Variants in TCF20 observed in about 807,000 individuals in gnomAD.
TCF20 encodes SPRE-binding protein.
A neutral mutation model predicts 148.6 loss-of-function variants in TCF20; 3 were observed. The ratio of observed to expected loss-of-function variants is 0.02; its 90% confidence interval spans 0.01 to 0.05. The LOEUF (loss-of-function observed/expected upper bound fraction) is 0.05, where lower values mean the gene tolerates loss of function less well. Ranked by LOEUF, TCF20 falls within the 10% of genes least tolerant of loss-of-function variation. The probability of loss-of-function intolerance (pLI) is 1.00; values close to 1 mark genes in which losing one functional copy is unlikely to be tolerated. For missense variants in TCF20, 2,350 were observed against 2,429.3 expected (o/e 0.97, Z 0.69); for synonymous variants, 1,049 against 909.5 (o/e 1.15, Z -2.76).
Position 42,279,926 on chromosome 22 carries a change from G to A in TCF20, c.-37+3901C>T, listed in dbSNP as rs1926864524. On this transcript the variant is annotated intron_variant, in intron 1 of 5. Transcript: ENST00000359486. This position sits in a 1 kb window ranked among gnomAD's most constrained non-coding sequence, Gnocchi z 4.3. ...AGGTGCTCCTCACAGGTGATGGGGT[G>A]TGTTGTCTATGGGGCTCTTGTGCCC... 6.6e-6 allele frequency among the ~76,000 whole-genome samples: 1 copy of A among 151,392 alleles called. No homozygotes were observed. Among genetic ancestry groups the A allele is most frequent in the East Asian group, 2.0e-4 (1 of 5,092 alleles).
upstream of TCF20, among the ~76,000 whole-genome samples, chr22:42,284,113 G>GGGAGGAGGGATGGATGGAT (rs1926975885): frequency 6.6e-6 from 1 of 152,266 alleles, no homozygotes; most frequent in Non-Finnish European, 1.5e-5. Flanking sequence ...AGGAGCAGCG[G>GGGAGGAGGGATGGATGGAT]GGAGGAGGGA....
rs562625493 is a variant in TCF20 at position 42,235,866 on chromosome 22, CCT to C, written c.-36-20527_-36-20526del. On this transcript the variant is annotated intron_variant, in intron 1 of 5. Coordinates refer to ENST00000677622, the MANE Select transcript of TCF20 (RefSeq NM_001378418.1). ...ACTGTTAGAATTACCACCCTCTTTC[CCT>C]CTCTCAGGTAAAAACTTGAACCAAT... Among the ~76,000 whole-genome samples, 17 of 152,254 alleles carry C rather than the reference CCT, an allele frequency of 1.1e-4. No homozygotes were observed. In the South Asian group the frequency reaches 3.1e-3, roughly 28 times the overall value.
intron 1 of TCF20, among the ~76,000 whole-genome samples, chr22:42,249,081 C>G (rs1414118462): frequency 6.6e-6 from 1 of 152,196 alleles, no homozygotes; most frequent in Non-Finnish European, 1.5e-5. Flanking sequence ...TTGCTGAGAG[C>G]TAGAACAGAC....
rs780585793 is a variant in TCF20, at chr22:42,290,077, C to T, written c.-37+53402G>A. On this transcript the variant is annotated intron_variant, in intron 1 of 1. Transcript: ENST00000515426. The surrounding 1 kb of genome is among the most constrained non-coding windows in gnomAD (Gnocchi z 4.2). ...CTCACTCCCGCCGCACGCATGCGCC[C>T]CCTGCACCGCCGGCTGCTGCTTGGG... Among the ~76,000 whole-genome samples, 6 of 152,216 alleles carry T rather than the reference C, an allele frequency of 3.9e-5. No homozygotes were observed. The highest frequency in any genetic ancestry group is 7.2e-5 in the African/African-American group (3 of 41,454).
chr22:42,288,782 A>T (rs74706293), upstream of TCF20, among the ~76,000 whole-genome samples: 3,207 of 149,234 alleles, frequency 0.021, 51 homozygotes, highest in Non-Finnish European at 0.033. Flanking sequence ...TTCCTTGCCC[A>T]TTACACTGTT....
rs5996140 is a variant in TCF20, at chr22:42,320,012, T to A, written c.-37+23467A>T. ...TCTACCCCAAGGCTCTGCTCTGCTG[T>A]TTTCCATCTTCCCTCCATTCCCACC... is the stretch of plus-strand genomic sequence containing the variant. On this transcript the variant is annotated intron_variant, in intron 1 of 1. Coordinates refer to the TCF20 transcript ENST00000515426. Among the ~76,000 whole-genome samples, 24 of 152,144 alleles carry A rather than the reference T, an allele frequency of 1.6e-4. 1 individual carries two copies. The highest frequency in any genetic ancestry group is 5.8e-4 in the African/African-American group (24 of 41,500).
intron 3 of TCF20, among the ~76,000 whole-genome samples, chr22:42,171,322 G>T (rs1168404545): frequency 6.6e-6 from 1 of 152,144 alleles, no homozygotes; most frequent in Non-Finnish European, 1.5e-5. Context: ...ACTTATCCTT[G>T]TTAAATTTAA....
chr22:42,338,149 G>A lies in TCF20; in HGVS notation c.-37+5330C>T, dbSNP rs1463609500. ...ACACAACTCCCGCCTCGGTCTCCACGCGTCCCCTGAGATCCCCCACCGCCC... is the reference window on the plus strand; with the variant it reads ...ACACAACTCCCGCCTCGGTCTCCACACGTCCCCTGAGATCCCCCACCGCCC... On this transcript the variant is annotated intron_variant, in intron 1 of 1. Transcript: ENST00000515426. This position sits in a 1 kb window ranked among gnomAD's most constrained non-coding sequence, Gnocchi z 4.0. Among the ~76,000 whole-genome samples, 2 of 152,164 alleles carry A rather than the reference G, an allele frequency of 1.3e-5. No individual in the cohort carries two copies. Among genetic ancestry groups the A allele is most frequent in the South Asian group, 2.1e-4 (1 of 4,812 alleles).
rs1179010428 is a variant in TCF20, at chr22:42,214,199, G to A, written c.1107C>T (p.Asn369=). ...QFHQNFSPIS[N]PSPAASVVQS... ...GAACCACAGAGGCAGCTGGAGAAGG[G>A]TTAGAAATGGGGCTGAAGTTCTGGT... Residue 369 remains asparagine, a synonymous_variant, in exon 2 of 6, where the codon AAC becomes AAT. Coordinates refer to ENST00000677622, the MANE Select transcript of TCF20 (RefSeq NM_001378418.1). The A allele has an allele frequency of 1.9e-6, 3 of 1,614,220 alleles. No homozygotes were observed. Among genetic ancestry groups the A allele is most frequent in the Non-Finnish European group, 2.5e-6 (3 of 1,180,044 alleles).
intron 1 of TCF20, among the ~76,000 whole-genome samples, chr22:42,241,427 AG>A (rs1924390819): frequency 6.6e-6 from 1 of 152,232 alleles, no homozygotes; most frequent in Non-Finnish European, 1.5e-5. Context: ...AAAATTTAGC[AG>A]GGAACAGGAA....
At chr22:42,225,000 C>CTT (rs34550174) in intron 1 of TCF20, among the ~76,000 whole-genome samples, 36,641 of 130,120 alleles carry the variant, frequency 0.28, 5,938 homozygotes, top group African/African-American at 0.35. Context: ...GAAATAATCA[C>CTT]TTTTTTTTTT....
intron 2 of TCF20, 59 bp downstream of exon 2, chr22:42,209,592 A>C (rs1920924255): frequency 3.3e-6 from 5 of 1,523,136 alleles, no homozygotes; most frequent in Non-Finnish European, 8.8e-7. Flanking sequence ...AAAAACATGC[A>C]AGAAAAGGAA....
At chr22:42,240,837 T>G (rs2147309120) in intron 1 of TCF20, among the ~76,000 whole-genome samples, 1 of 152,024 alleles carries the variant, frequency 6.6e-6, no homozygotes, top group Non-Finnish European at 1.5e-5. Flanking sequence ...GGATAGTCCA[T>G]AAAAAACTCA....
At chr22:42,190,830 C>A (rs1162304215) in intron 2 of TCF20, among the ~76,000 whole-genome samples, 88 of 152,086 alleles carry the variant, frequency 5.8e-4, no homozygotes, top group Admixed American at 5.8e-3. Context: ...GCAGGTGATA[C>A]TAATAATTTC....
intron 1 of TCF20, among the ~76,000 whole-genome samples, chr22:42,258,273 C>G (rs1033983971): frequency 4.6e-5 from 7 of 151,928 alleles, no homozygotes; most frequent in African/African-American, 1.7e-4. Flanking sequence ...CCTCCCCCCC[C>G]TTCCCTAGGC....
chr22:42,250,046 GC>G (rs1925235809), intron 1 of TCF20, among the ~76,000 whole-genome samples: 1 of 152,096 alleles, frequency 6.6e-6, no homozygotes, highest in African/African-American at 2.4e-5. Context: ...ATCACTTGAG[GC>G]CAGGAGTTTG....
chr22:42,191,938 T>TA (rs1446284806), intron 2 of TCF20, among the ~76,000 whole-genome samples: 1 of 152,238 alleles, frequency 6.6e-6, no homozygotes, highest in Non-Finnish European at 1.5e-5. Flanking sequence ...GAGAAATACT[T>TA]ACATAGTTTG....
chr22:42,167,623 C>T (rs948621162), intron 5 of TCF20, among the ~76,000 whole-genome samples: 3 of 152,178 alleles, frequency 2.0e-5, no homozygotes, highest in Non-Finnish European at 4.4e-5. Context: ...CTTCTAGAGA[C>T]CCCAAGTCCT....
intron 1 of TCF20, among the ~76,000 whole-genome samples, chr22:42,294,917 G>T (rs554007397): frequency 1.2e-4 from 19 of 152,354 alleles, no homozygotes; most frequent in African/African-American, 4.6e-4. Flanking sequence ...AGGATCCAAA[G>T]GTGCTTGATG....
Sources: allele counts gnomAD v4.1 joint callset (sites outside exome capture counted in the v4.1 genomes callset), GRCh38; gene constraint gnomAD v4.1.1; non-coding constraint Gnocchi (gnomAD v3.1); transcripts MANE v1.5; gene names NCBI Gene and HGNC (gene_info 2026-07-23, HGNC 2026-07-21).